Variants in RGS4 observed in about 807,000 individuals in gnomAD.
RGS4 encodes schizophrenia disorder 9.
A neutral mutation model predicts 21.6 loss-of-function variants in RGS4; 15 were observed. That is an observed-to-expected ratio of 0.69 (90% CI 0.46 to 1.07). The LOEUF (loss-of-function observed/expected upper bound fraction) is 1.07, where lower values mean the gene tolerates loss of function less well. Ranked by LOEUF, RGS4 falls within the 50% of genes least tolerant of loss-of-function variation. The pLI is 0.00. For missense variants in RGS4, 237 were observed against 239.0 expected, an observed-to-expected ratio of 0.99 and a Z score of 0.06; for synonymous variants, 94 against 85.5, an observed-to-expected ratio of 1.10 and a Z score of -0.55.
In RGS4 at chr1:163,075,311, T is replaced by C. The variant is rs1262513690; in HGVS notation, c.*751T>C. 2.6e-5 allele frequency: 4 copies of C among 152,542 alleles called. No individual in the cohort carries two copies. Among genetic ancestry groups the C allele is most frequent in the African/African-American group, 9.7e-5 (4 of 41,448 alleles). The allele number at this position is 152,542 out of a possible 1,614,324, so 9.4% of individuals were successfully genotyped here. On this transcript the variant is annotated 3_prime_UTR_variant, in exon 5 of 5. Coordinates refer to ENST00000367909, the MANE Select transcript of RGS4 (RefSeq NM_005613.6). ...GGAAAGTTGGTTTTGTAAAATTCCATGGATCTTGCTGGAGAAGCATCCAAG... is the reference window on the plus strand; with the variant it reads ...GGAAAGTTGGTTTTGTAAAATTCCACGGATCTTGCTGGAGAAGCATCCAAG...
chr1:163,074,056 C>A (rs1487902004), intron 4 of RGS4: 13 of 504,736 alleles, frequency 2.6e-5, no homozygotes, highest in Non-Finnish European at 3.8e-5. Context: ...CTTACCATAA[C>A]CTCCCTGCAT....
chr1:163,071,899 A>T, intron 1 of RGS4: 1 of 617,560 alleles, frequency 1.6e-6, no homozygotes, highest in South Asian at 7.8e-5. Context: ...AACTGAATAG[A>T]CTTTTACTTT....
intron 4 of RGS4, 172 bp from the exon 5 acceptor site, chr1:163,074,149 C>G (rs564919202): frequency 6.7e-6 from 5 of 741,516 alleles, no homozygotes; most frequent in African/African-American, 3.5e-5. Context: ...AAGGTTCATT[C>G]TGAACCTTTC....
In RGS4 at chr1:163,072,389, G is replaced by A. The variant is rs1019940134; in HGVS notation, c.45-6G>A. On this transcript the variant is annotated splice_region_variant and splice_polypyrimidine_tract_variant and intron_variant, in intron 1 of 4. Transcript: ENST00000367909. The stretch of plus-strand genomic sequence containing the variant: ...CTATTTATTCATTTTTTTCTCTTCT[G>A]TGCAGTGCAAAAGATATGAAACATC... 1.2e-6 allele frequency: 2 copies of A among 1,601,216 alleles called. No individual in the cohort carries two copies. The highest frequency in any genetic ancestry group is 1.7e-6 in the Non-Finnish European group (2 of 1,169,280).
chr1:163,073,716 G>A, intron 4 of RGS4, 94 bp downstream of exon 4: 1 of 793,322 alleles, frequency 1.3e-6, no homozygotes, highest in South Asian at 2.0e-5. Context: ...AATCAAATCA[G>A]GGCAATTGCT....
chr1:163,073,718 G>A, intron 4 of RGS4, 96 bp downstream of exon 4: 1 of 774,294 alleles, frequency 1.3e-6, no homozygotes, highest in Non-Finnish European at 2.0e-6. Context: ...TCAAATCAGG[G>A]CAATTGCTAT....
upstream of RGS4, chr1:163,068,999 T>C (rs1333977905): frequency 6.2e-7 from 1 of 1,601,774 alleles, no homozygotes. Context: ...CTAAGTAAGC[T>C]CCAGAATTCC....
At position 163,075,463 on chromosome 1, in the gene RGS4, C is replaced by A. The variant is rs1655465229; in HGVS notation, c.*903C>A. 1 of 152,104 alleles carries A rather than the reference C, an allele frequency of 6.6e-6. No individual in the cohort carries two copies. Among genetic ancestry groups the A allele is most frequent in the East Asian group, 1.9e-4 (1 of 5,180 alleles). 9.4% of individuals were successfully genotyped at this position (152,104 alleles called of 1,614,324 possible). A position where few individuals can be genotyped will look rare whatever the true frequency, so the allele number is the denominator to read the frequency against. On this transcript the variant is annotated 3_prime_UTR_variant, in exon 5 of 5. Coordinates refer to ENST00000367909, the MANE Select transcript of RGS4 (RefSeq NM_005613.6). ...TTTGAGCTCCTAAGCTGCCAGCCTTCCCTTCTTTTCCTGGGTGCTCAGGGC... is the reference window on the plus strand; with the variant it reads ...TTTGAGCTCCTAAGCTGCCAGCCTTACCTTCTTTTCCTGGGTGCTCAGGGC...
intron 1 of RGS4, 57 bp downstream of exon 1, chr1:163,069,585 A>C: frequency 1.4e-6 from 2 of 1,431,126 alleles, no homozygotes; most frequent in South Asian, 2.4e-5. Flanking sequence ...TTTCTCAGTT[A>C]TTTACATGTT....
rs371739041 is a variant in RGS4 at position 163,073,637 on chromosome 1, G to A, written c.378+15G>A. ...CAACCAAAGAGGTAGGTTTTTTATG[G>A]ATACATAAAAATTGTACGTATTTAT... On this transcript the variant is annotated intron_variant, in intron 4 of 4. Coordinates refer to ENST00000367909, the MANE Select transcript of RGS4 (RefSeq NM_005613.6). 1.3e-6 allele frequency: 2 copies of A among 1,539,140 alleles called. No individual in the cohort carries two copies. Among genetic ancestry groups the A allele is most frequent in the Admixed American group, 2.0e-5 (1 of 49,944 alleles).
rs1655225757 is a variant in RGS4, at chr1:163,069,383, A to G, written c.-102A>G. ...AGGAAGACGCTCAGAGGATTCTGAC[A>G]ATATCTTTACCGGAGAAGAGGCAAA... On this transcript the variant is annotated 5_prime_UTR_variant, in exon 1 of 5. Transcript: ENST00000367909. The G allele has an allele frequency of 6.3e-7, 1 of 1,584,120 alleles. No individual in the cohort carries two copies. The highest frequency in any genetic ancestry group is 1.8e-5 in the Admixed American group (1 of 55,494).
Position 163,074,524 on chromosome 1 carries a change from A to C in RGS4, c.582A>C (p.Ser194=), listed in dbSNP as rs1655433271. ...GAEKQKGAKS[S]ADCASLVPQC... ...AAAAGCAGAAAGGAGCCAAGAGTTC[A>C]GCAGACTGTGCTTCCCTGGTCCCTC... The change falls in exon 5 of 5, where the codon TCA becomes TCC. Residue 194 remains serine, a synonymous_variant. Coordinates refer to ENST00000367909, the MANE Select transcript of RGS4 (RefSeq NM_005613.6). 3.7e-6 allele frequency: 6 copies of C among 1,613,846 alleles called. No homozygotes were observed. The highest frequency in any genetic ancestry group is 1.6e-4 in the Middle Eastern group (1 of 6,080).
In RGS4 at chr1:163,069,452, T is replaced by C; in HGVS notation, c.-33T>C. 2.5e-6 allele frequency: 4 copies of C among 1,613,408 alleles called. No homozygotes were observed. The highest frequency in any genetic ancestry group is 3.4e-6 in the Non-Finnish European group (4 of 1,179,724). ...CCACAGCTCCTCCTGCCGCATTTCT[T>C]TCCTGCTTGCGAATTCCAAGCTGTT... On this transcript the variant is annotated 5_prime_UTR_variant, in exon 1 of 5. Coordinates refer to ENST00000367909, the MANE Select transcript of RGS4 (RefSeq NM_005613.6).
At chr1:163,072,215 C>A in intron 1 of RGS4, 180 bp from the exon 2 acceptor site, 1 of 883,772 alleles carries the variant, frequency 1.1e-6, no homozygotes, top group Non-Finnish European at 1.5e-6. Context: ...GGTTTTGTAG[C>A]AAGTCATAGG....
chr1:163,074,492 G>T lies in RGS4; in HGVS notation c.550G>T (p.Gly184Trp), dbSNP rs761746821. 2.5e-6 allele frequency: 4 copies of T among 1,613,880 alleles called. No individual in the cohort carries two copies. Among genetic ancestry groups the T allele is most frequent in the African/African-American group, 1.3e-5 (1 of 74,998 alleles). ...TGATTTGGTCAACCCGTCCAGCTGTGGGGCAGAAAAGCAGAAAGGAGCCAA... is the reference window on the plus strand; with the variant it reads ...TGATTTGGTCAACCCGTCCAGCTGTTGGGCAGAAAAGCAGAAAGGAGCCAA... ...YLDLVNPSSC[G>W]AEKQKGAKSS... Residue 184 changes from glycine (G) to tryptophan (W), a missense_variant, in exon 5 of 5, where the codon GGG becomes TGG. Coordinates refer to ENST00000367909, the MANE Select transcript of RGS4 (RefSeq NM_005613.6).
chr1:163,069,491 A>G lies in RGS4; in HGVS notation c.7A>G (p.Lys3Glu). 1 of 1,613,602 alleles carries G rather than the reference A, an allele frequency of 6.2e-7. No homozygotes were observed. The highest frequency in any genetic ancestry group is 8.5e-7 in the Non-Finnish European group (1 of 1,179,760). The change falls in exon 1 of 5, where the codon AAA becomes GAA. Residue 3 changes from lysine to glutamate, a missense_variant. Physicochemically the swap from Lys to Glu is moderately conservative, Grantham distance 56. Transcript: ENST00000367909. Reference sequence around the variant, plus strand: ...TTCCAAGCTGTTAAATAAGATGTGCAAAGGGCTTGCAGGTCTGCCGGCTTC... The same window carrying G: ...TTCCAAGCTGTTAAATAAGATGTGCGAAGGGCTTGCAGGTCTGCCGGCTTC... The part of the protein sequence containing the change: MC[K>E]GLAGLPASCL...
chr1:163,071,855 G>GCCCCCCCCA (rs1553205233), intron 1 of RGS4: 2 of 1,822 alleles, frequency 1.1e-3, no homozygotes, highest in Non-Finnish European at 2.1e-3. Context: ...GGAACTGCTT[G>GCCCCCCCCA]CCCCCCCCCC....
At chr1:163,072,126 G>T in intron 1 of RGS4, 2 of 1,149,324 alleles carry the variant, frequency 1.7e-6, no homozygotes, top group Non-Finnish European at 2.1e-6. Flanking sequence ...GCATATAAAG[G>T]CTTCTCAGGT....
At position 163,074,812 on chromosome 1, in the gene RGS4, T is replaced by A; in HGVS notation, c.*252T>A. On this transcript the variant is annotated 3_prime_UTR_variant, in exon 5 of 5. Transcript: ENST00000367909. Reference sequence around the variant, plus strand: ...TTTGAGGGTTCCATGGGAGCAAATATCTAAATAATGGCCTGGTAGGTCTGG... The same window carrying A: ...TTTGAGGGTTCCATGGGAGCAAATAACTAAATAATGGCCTGGTAGGTCTGG... The A allele has an allele frequency of 1.6e-6, 1 of 618,976 alleles. No homozygotes were observed. Among genetic ancestry groups the A allele is most frequent in the Non-Finnish European group, 2.9e-6 (1 of 349,598 alleles). 38.3% of individuals were successfully genotyped at this position (618,976 alleles called of 1,614,324 possible).
Sources: allele counts gnomAD v4.1 joint callset, GRCh38; gene constraint gnomAD v4.1.1; transcripts MANE v1.5; gene names NCBI Gene and HGNC (gene_info 2026-07-23, HGNC 2026-07-21).